FOXP2: variants seen among roughly 807,000 people sequenced by gnomAD.
The protein encoded by FOXP2 is forkhead box P2, also known as forkhead box protein P2.
A neutral mutation model predicts 115.8 loss-of-function variants in FOXP2; 12 were observed. The observed-to-expected ratio is 0.10, with a 90% confidence interval of 0.07 to 0.17. The LOEUF (loss-of-function observed/expected upper bound fraction) is 0.17. FOXP2 is among the 10% of genes least tolerant of loss of function. FOXP2 has a pLI of 1.00. For synonymous variants in FOXP2, 328 were observed against 297.7 expected (o/e 1.10, Z -1.05); for missense variants, 629 against 843.5 (o/e 0.75, Z 3.15).
chr7:114,638,519 C>T (rs770920836), intron 6 of FOXP2, among the ~76,000 whole-genome samples: 3 of 152,122 alleles, frequency 2.0e-5, no homozygotes, highest in South Asian at 4.1e-4. Context: ...TGTACAAAAT[C>T]GATTGGCTAG....
At chr7:114,628,004 T>C (rs1174984564) in intron 3 of FOXP2, among the ~76,000 whole-genome samples, 5 of 152,072 alleles carry the variant, frequency 3.3e-5, no homozygotes. Context: ...TATTACTATA[T>C]TTATTTTCTA....
chr7:114,204,875 T>A (rs1794159486), intron 1 of FOXP2, among the ~76,000 whole-genome samples: 1 of 150,902 alleles, frequency 6.6e-6, no homozygotes, highest in Non-Finnish European at 1.5e-5. Flanking sequence ...AAGTATTATA[T>A]GTCTTGAATA....
intron 1 of FOXP2, among the ~76,000 whole-genome samples, chr7:114,259,541 T>C (rs1353280220): frequency 6.6e-6 from 1 of 152,126 alleles, no homozygotes; most frequent in Non-Finnish European, 1.5e-5. Flanking sequence ...GTTTACAGAG[T>C]ATACGACAGT....
chr7:114,221,598 T>C (rs1308866267), intron 1 of FOXP2, among the ~76,000 whole-genome samples: 1 of 152,198 alleles, frequency 6.6e-6, no homozygotes, highest in Non-Finnish European at 1.5e-5. Flanking sequence ...TTCTCTTTGA[T>C]GTCCTCCATA....
In FOXP2 at chr7:114,128,400, T is replaced by C. The variant is rs1347588418; in HGVS notation, c.-246-34544T>C. Among the ~76,000 whole-genome samples the C allele has an allele frequency of 2.6e-5, 4 of 151,894 alleles. No homozygotes were observed. In the South Asian group the frequency reaches 8.3e-4, roughly 31 times the overall value. On this transcript the variant is annotated intron_variant, in intron 1 of 19. Coordinates refer to the FOXP2 transcript ENST00000635638. Reference sequence around the variant, plus strand: ...CTCTTACCCTAATATACAGAGCTACTGAATAGTCCCTTTTTAAATTTCTTT... The same window carrying C: ...CTCTTACCCTAATATACAGAGCTACCGAATAGTCCCTTTTTAAATTTCTTT...
chr7:114,253,398 A>C (rs2129169892), intron 1 of FOXP2, among the ~76,000 whole-genome samples: 1 of 152,246 alleles, frequency 6.6e-6, no homozygotes. Flanking sequence ...GGGGCGTTAA[A>C]GTCTCCCATT....
intron 1 of FOXP2, among the ~76,000 whole-genome samples, chr7:114,200,149 A>C (rs1206973324): frequency 1.3e-5 from 2 of 152,192 alleles, no homozygotes; most frequent in Admixed American, 6.5e-5. Flanking sequence ...AGTAGCCATC[A>C]CCAAATAACT....
At chr7:114,527,663 C>G (rs1798942372) in intron 2 of FOXP2, among the ~76,000 whole-genome samples, 1 of 152,164 alleles carries the variant, frequency 6.6e-6, no homozygotes, top group African/African-American at 2.4e-5. Flanking sequence ...ATTCTGCCAT[C>G]AGGCAAACAG....
At chr7:114,567,020 T>G (rs1184375190) in intron 3 of FOXP2, among the ~76,000 whole-genome samples, 1 of 152,022 alleles carries the variant, frequency 6.6e-6, no homozygotes. Flanking sequence ...TGCACCAGGT[T>G]TCTAAAAGGA....
At chr7:114,095,683 A>G (rs1160236248) in intron 1 of FOXP2, among the ~76,000 whole-genome samples, 5 of 152,204 alleles carry the variant, frequency 3.3e-5, no homozygotes, top group Non-Finnish European at 7.3e-5. Context: ...TTTATTCACA[A>G]TGTTGTGTTG....
chr7:114,484,046 G>A (rs1467538154), intron 2 of FOXP2, among the ~76,000 whole-genome samples: 3 of 151,702 alleles, frequency 2.0e-5, no homozygotes, highest in African/African-American at 4.8e-5. Flanking sequence ...CCTTCTTAAT[G>A]TTATATGAAG....
chr7:114,570,674 A>T (rs1801253085), intron 3 of FOXP2: 1 of 709,214 alleles, frequency 1.4e-6, no homozygotes, highest in Non-Finnish European at 2.6e-6. Flanking sequence ...CAATGATGGA[A>T]TATTCTTCCC....
intron 2 of FOXP2, among the ~76,000 whole-genome samples, chr7:114,325,935 GTGTAA>G (rs1268153117): frequency 6.6e-6 from 1 of 152,052 alleles, no homozygotes; most frequent in Non-Finnish European, 1.5e-5. Flanking sequence ...AAGACACACT[GTGTAA>G]TATAGTGTAT....
At chr7:114,539,431 G>T (rs1046827156) in intron 3 of FOXP2, among the ~76,000 whole-genome samples, 1 of 151,604 alleles carries the variant, frequency 6.6e-6, no homozygotes, top group African/African-American at 2.4e-5. Flanking sequence ...TTGAGATACG[G>T]GTTTAAATAG....
chr7:114,639,261 T>G (rs977756167), intron 6 of FOXP2, among the ~76,000 whole-genome samples: 1 of 152,164 alleles, frequency 6.6e-6, no homozygotes, highest in African/African-American at 2.4e-5. Context: ...AATATTCATA[T>G]AGAGTATGCC....
chr7:114,646,060 TAAA>T (rs57137258), intron 8 of FOXP2, among the ~76,000 whole-genome samples: 8 of 85,660 alleles, frequency 9.3e-5, no homozygotes, highest in Admixed American at 2.9e-4. Flanking sequence ...TTTTCTTCTC[TAAA>T]AAAAAAAAAA....
chr7:114,288,364 A>G (rs1796514807), intron 2 of FOXP2, among the ~76,000 whole-genome samples: 1 of 151,848 alleles, frequency 6.6e-6, no homozygotes, highest in Non-Finnish European at 1.5e-5. Flanking sequence ...GTATACACTT[A>G]TGGGGAATAT....
intron 1 of FOXP2, among the ~76,000 whole-genome samples, chr7:114,261,022 A>T (rs1364537952): frequency 6.6e-6 from 1 of 152,200 alleles, no homozygotes; most frequent in Non-Finnish European, 1.5e-5. Flanking sequence ...TTTCTTCTTA[A>T]ATAGTAGTAG....
chr7:114,435,976 G>A (rs1189660069), intron 2 of FOXP2, among the ~76,000 whole-genome samples: 6 of 152,240 alleles, frequency 3.9e-5, no homozygotes, highest in African/African-American at 1.2e-4. Context: ...TGAAGAAAAA[G>A]AAAAGGAGAA....
Sources: gnomAD v4.1 joint callset for allele counts (sites outside exome capture counted in the v4.1 genomes callset) on GRCh38, gnomAD v4.1.1 for gene constraint, MANE v1.5 for transcripts, NCBI Gene and HGNC (gene_info 2026-07-23, HGNC 2026-07-21) for gene names.